The following ZNF148 variants were observed in gnomAD, a reference collection of about 807,000 sequenced individuals.
ZNF148 encodes the protein zinc finger protein 148, also known as Beta-Enolase Repressor Factor-1.
ZNF148 carries 7 observed loss-of-function variants against 67.7 expected under a neutral mutation model. The observed-to-expected ratio is 0.10, with a 90% CI of 0.06 to 0.19. The LOEUF (loss-of-function observed/expected upper bound fraction) is 0.19. Ranked by LOEUF, ZNF148 falls within the 10% of genes least tolerant of loss-of-function variation. The probability of loss-of-function intolerance (pLI) is 1.00; values close to 1 mark genes in which losing one functional copy is unlikely to be tolerated. For synonymous variants in ZNF148, 333 were observed against 330.7 expected, an observed-to-expected ratio of 1.01 and a Z score of -0.08; for missense variants, 583 against 947.1, an observed-to-expected ratio of 0.62 and a Z score of 5.05.
At chr3:125,373,924 A>C (rs1264756808) in intron 1 of ZNF148, among the ~76,000 whole-genome samples, 2 of 152,220 alleles carry the variant, frequency 1.3e-5, no homozygotes, top group Non-Finnish European at 2.9e-5. Flanking sequence ...CAGGCTGAAT[A>C]ATACGGCACC....
intron 5 of ZNF148, among the ~76,000 whole-genome samples, chr3:125,281,552 T>TAA (rs1938388200): frequency 2.0e-5 from 3 of 152,198 alleles, no homozygotes; most frequent in African/African-American, 7.2e-5. Context: ...AAGGAAAGGC[T>TAA]TTGTAAAGAA....
intron 1 of ZNF148, among the ~76,000 whole-genome samples, chr3:125,337,955 T>C (rs1053928964): frequency 6.6e-6 from 1 of 152,018 alleles, no homozygotes; most frequent in Non-Finnish European, 1.5e-5. Context: ...AAAAAATTTT[T>C]TTTGTTAGCC....
chr3:125,302,974 T>G (rs1015809019), intron 4 of ZNF148, among the ~76,000 whole-genome samples: 1 of 152,178 alleles, frequency 6.6e-6, no homozygotes, highest in East Asian at 1.9e-4. Flanking sequence ...TGTCCCTCAA[T>G]AAGTGAATGG....
At chr3:125,283,853 G>A (rs1204360860) in intron 5 of ZNF148, among the ~76,000 whole-genome samples, 10 of 152,062 alleles carry the variant, frequency 6.6e-5, no homozygotes, top group African/African-American at 2.2e-4. Context: ...TGCTGGGAAA[G>A]GATTCTCTAT....
chr3:125,267,035 C>T (rs9870660), intron 7 of ZNF148, among the ~76,000 whole-genome samples: 12,151 of 139,960 alleles, frequency 0.087, 588 homozygotes, highest in Non-Finnish European at 0.1. Flanking sequence ...TAACGAGTTC[C>T]AAAATTAAAT....
intron 7 of ZNF148, among the ~76,000 whole-genome samples, chr3:125,258,131 A>T (rs1937169286): frequency 6.6e-6 from 1 of 151,828 alleles, no homozygotes; most frequent in African/African-American, 2.4e-5. Context: ...TTAAAGAGAT[A>T]GCATCTTCCA....
intron 1 of ZNF148, among the ~76,000 whole-genome samples, chr3:125,368,550 T>C (rs560014532): frequency 4.6e-5 from 7 of 152,358 alleles, no homozygotes; most frequent in Middle Eastern, 3.4e-3. Context: ...CTATTTGATA[T>C]TGACTAACCT....
At chr3:125,342,705 A>C (rs2107738506) in intron 1 of ZNF148, among the ~76,000 whole-genome samples, 1 of 152,338 alleles carries the variant, frequency 6.6e-6, no homozygotes, top group East Asian at 1.9e-4. Context: ...CAAAGAAGAA[A>C]CAACAGAAAG....
chr3:125,273,518 C>T (rs1282935856), intron 7 of ZNF148, among the ~76,000 whole-genome samples: 3 of 121,100 alleles, frequency 2.5e-5, no homozygotes, highest in South Asian at 5.2e-4. Context: ...TTTTTTGAGA[C>T]GGAGTCTTGC....
rs543760550 is a variant in ZNF148, at chr3:125,307,720, C to T, written c.333+5588G>A. ...AGTACAATGGTGTGATCTTGGCTCA[C>T]TGCAACCTCTGCCTCCTGGACTCAG... On this transcript the variant is annotated intron_variant, in intron 4 of 8. Transcript: ENST00000360647. 1.3e-4 allele frequency among the ~76,000 whole-genome samples: 20 copies of T among 152,268 alleles called. No homozygotes were observed. The South Asian group carries it at 2.7e-3, about 21-fold the overall frequency.
chr3:125,279,711 T>C (rs990522412), intron 5 of ZNF148, among the ~76,000 whole-genome samples: 6 of 150,452 alleles, frequency 4.0e-5, no homozygotes, highest in Non-Finnish European at 8.9e-5. Context: ...AAGCTCTCTA[T>C]ATACTTATAT....
intron 7 of ZNF148, among the ~76,000 whole-genome samples, chr3:125,237,351 G>A (rs977885353): frequency 6.6e-6 from 1 of 152,194 alleles, no homozygotes; most frequent in Admixed American, 6.5e-5. Context: ...GGAGGCTGTG[G>A]TGGGTGAACT....
intron 1 of ZNF148, among the ~76,000 whole-genome samples, chr3:125,342,356 C>CA (rs759027099): frequency 0.011 from 598 of 55,340 alleles, 11 homozygotes; most frequent in East Asian, 0.059. Flanking sequence ...AAAAAAAAGA[C>CA]AAAAAAAAAA....
intron 1 of ZNF148, among the ~76,000 whole-genome samples, chr3:125,366,633 A>G (rs961983352): frequency 6.6e-6 from 1 of 152,192 alleles, no homozygotes; most frequent in African/African-American, 2.4e-5. Flanking sequence ...TGTTTTACCC[A>G]CACACAAACA....
intron 1 of ZNF148, chr3:125,356,850 T>C (rs1942359188): frequency 6.6e-6 from 1 of 152,204 alleles, no homozygotes; most frequent in African/African-American, 2.4e-5. Flanking sequence ...AGCCCAATTC[T>C]GGAAAGGCCT....
intron 2 of ZNF148, among the ~76,000 whole-genome samples, chr3:125,328,677 T>G (rs1279223396): frequency 6.6e-6 from 1 of 151,964 alleles, no homozygotes; most frequent in Admixed American, 6.6e-5. Context: ...GCTCCTTTCC[T>G]TAATATACAA....
At position 125,227,574 on chromosome 3, in the gene ZNF148, C is replaced by G. The variant is rs1270538540; in HGVS notation, c.*4767G>C. On this transcript the variant is annotated 3_prime_UTR_variant, in exon 9 of 9. Coordinates refer to ENST00000360647, the MANE Select transcript of ZNF148 (RefSeq NM_021964.3). ...ATGCCCTTGAAGTAAAATGAGGTTA[C>G]CTGCTTTATTTGGATACCAAGTTCC... 4 of 152,526 alleles carry G rather than the reference C, an allele frequency of 2.6e-5. No homozygotes were observed. Among genetic ancestry groups the G allele is most frequent in the Non-Finnish European group, 5.9e-5 (4 of 68,012 alleles). The allele number at this position is 152,526 out of a possible 1,614,324, so 9.4% of individuals were successfully genotyped here.
At position 125,229,505 on chromosome 3, in the gene ZNF148, G is replaced by T. The variant is rs1371152147; in HGVS notation, c.*2836C>A. The T allele has an allele frequency of 6.6e-6, 1 of 152,142 alleles. No individual in the cohort carries two copies. Among genetic ancestry groups the T allele is most frequent in the African/African-American group, 2.4e-5 (1 of 41,418 alleles). The allele number at this position is 152,142 out of a possible 1,614,324, so 9.4% of individuals were successfully genotyped here. A position where few individuals can be genotyped will look rare whatever the true frequency, so the allele number is the denominator to read the frequency against. On this transcript the variant is annotated 3_prime_UTR_variant, in exon 9 of 9. Coordinates refer to ENST00000360647, the MANE Select transcript of ZNF148 (RefSeq NM_021964.3). Reference sequence around the variant, plus strand: ...TAAATATTCAAGACAAATGAAATATGTGAGAATAAGGTTTTAAAAAACCCT... The same window carrying T: ...TAAATATTCAAGACAAATGAAATATTTGAGAATAAGGTTTTAAAAAACCCT...
At chr3:125,374,460 A>G (rs1259950296) in intron 1 of ZNF148, among the ~76,000 whole-genome samples, 1 of 152,008 alleles carries the variant, frequency 6.6e-6, no homozygotes, top group Non-Finnish European at 1.5e-5. Flanking sequence ...GAAACGCTTC[A>G]GTTCTTTCCA....
Sources: allele counts gnomAD v4.1 joint callset (sites outside exome capture counted in the v4.1 genomes callset), GRCh38; gene constraint gnomAD v4.1.1; transcripts MANE v1.5; gene names NCBI Gene and HGNC (gene_info 2026-07-23, HGNC 2026-07-21).